ZNF701: variants seen among roughly 807,000 people sequenced by gnomAD.
ZNF701 encodes zinc finger protein 701.
In ZNF701, 6 loss-of-function variants were observed where a neutral mutation model predicts 7.1. That is an observed-to-expected ratio of 0.84 (90% CI 0.46 to 1.66). The LOEUF is 1.66. ZNF701 is among the 40% of genes most tolerant of loss of function. ZNF701 has a pLI of 0.01. For synonymous variants in ZNF701, 166 were observed against 188.2 expected, an observed-to-expected ratio of 0.88 and a Z score of 0.97; for missense variants, 541 against 559.2, an observed-to-expected ratio of 0.97 and a Z score of 0.33.
chr19:52,596,078 A>G, the ZNF701 span: 4 of 1,210,170 alleles, frequency 3.3e-6, no homozygotes, highest in South Asian at 3.9e-5. Flanking sequence ...TTCATTATTC[A>G]CACAAATACA....
chr19:52,589,525 G>C (rs1453187604), downstream of ZNF701, among the ~76,000 whole-genome samples: 1 of 149,354 alleles, frequency 6.7e-6, no homozygotes, highest in Non-Finnish European at 1.5e-5. Context: ...TGTCACCCAG[G>C]CTGGAGTGTA....
chr19:52,599,414 C>A, the ZNF701 span, among the ~76,000 whole-genome samples: 10 of 152,122 alleles, frequency 6.6e-5, no homozygotes, highest in African/African-American at 2.4e-4. Context: ...GTCAGGCAAC[C>A]TGAGTCCAGT....
downstream of ZNF701, chr19:52,588,676 G>A (rs1157423160): frequency 6.6e-6 from 2 of 301,276 alleles, no homozygotes; most frequent in Non-Finnish European, 1.3e-5. Flanking sequence ...CAGGTATTGT[G>A]GTAGCCAGTC....
the ZNF701 span, among the ~76,000 whole-genome samples, chr19:52,599,739 A>G: frequency 2.0e-5 from 3 of 152,164 alleles, no homozygotes; most frequent in Non-Finnish European, 4.4e-5. Context: ...TTGCCTTCAA[A>G]TAAATTCTGT....
At chr19:52,598,435 GGGCAGGGACCTCGGTAAAGGGGTGGAGT>G in the ZNF701 span, among the ~76,000 whole-genome samples, 1 of 152,112 alleles carries the variant, frequency 6.6e-6, no homozygotes, top group Non-Finnish European at 1.5e-5. Context: ...TGGGGGAGAG[GGGCAGGGACCTCGGTAAAGGGGTGGAGT>G]GGCGCGCTGG....
chr19:52,588,755 C>G (rs58246752), downstream of ZNF701: 34,946 of 175,274 alleles, frequency 0.2, 3,874 homozygotes, highest in African/African-American at 0.27. Context: ...CTCAGTCCCT[C>G]TCATCTTAAA....
chr19:52,580,161 T>G (rs1166205747), intron 3 of ZNF701, among the ~76,000 whole-genome samples: 1 of 144,834 alleles, frequency 6.9e-6, no homozygotes, highest in Non-Finnish European at 1.5e-5. Context: ...GCCAGGATGG[T>G]CTCAATCTCC....
rs1358541146 is a variant in ZNF701, at chr19:52,585,826, C to T, written c.*2369C>T. 2 of 152,250 alleles carry T rather than the reference C, an allele frequency of 1.3e-5. No individual in the cohort carries two copies. Among genetic ancestry groups the T allele is most frequent in the Non-Finnish European group, 2.9e-5 (2 of 68,066 alleles). The allele number at this position is 152,250 out of a possible 1,614,324, so 9.4% of individuals were successfully genotyped here. A position where few individuals can be genotyped will look rare whatever the true frequency, so the allele number is the denominator to read the frequency against. On this transcript the variant is annotated 3_prime_UTR_variant, in exon 4 of 4. Transcript: ENST00000391785. The stretch of plus-strand genomic sequence containing the variant: ...TGCCCTATGCAGATGAAGGGGTGGC[C>T]GGTGCTTGGCCTTGGCCACTCCTGG...
intron 3 of ZNF701, among the ~76,000 whole-genome samples, chr19:52,578,811 G>A (rs978348848): frequency 3.3e-5 from 5 of 152,314 alleles, no homozygotes; most frequent in East Asian, 1.9e-4. Context: ...AGGCTGGAGT[G>A]CAGTGGTGCG....
At chr19:52,578,883 G>A (rs375644910) in intron 3 of ZNF701, among the ~76,000 whole-genome samples, 7 of 151,980 alleles carry the variant, frequency 4.6e-5, no homozygotes, top group East Asian at 2.0e-4. Flanking sequence ...TCAGCCTCCC[G>A]AGTACCTGGG....
At chr19:52,595,866 C>A in the ZNF701 span, 1 of 1,612,996 alleles carries the variant, frequency 6.2e-7, no homozygotes, top group Non-Finnish European at 8.5e-7. Flanking sequence ...CAAAGACATG[C>A]TGGAAACAAG....
chr19:52,577,371 C>T (rs2059941666), intron 3 of ZNF701, among the ~76,000 whole-genome samples: 1 of 151,864 alleles, frequency 6.6e-6, no homozygotes, highest in Non-Finnish European at 1.5e-5. Context: ...AAGTGTGGAC[C>T]TAAGATTACC....
At chr19:52,571,199 A>AGG (rs530403665) in intron 1 of ZNF701, among the ~76,000 whole-genome samples, 1,593 of 151,666 alleles carry the variant, frequency 0.011, 23 homozygotes, top group African/African-American at 0.035. Flanking sequence ...ACAGCAAGGT[A>AGG]GAGAGGGGCA....
At chr19:52,591,987 T>G, downstream of ZNF701, 3 of 540,576 alleles carry the variant, frequency 5.5e-6, no homozygotes, top group Admixed American at 6.3e-5. Context: ...TAATGCGGCT[T>G]TGTCAGAACA....
At chr19:52,587,544 AG>A (rs1361281022), downstream of ZNF701, among the ~76,000 whole-genome samples, 2 of 152,164 alleles carry the variant, frequency 1.3e-5, no homozygotes, top group Non-Finnish European at 2.9e-5. Flanking sequence ...GATCTCCCAC[AG>A]CCCCCCACTT....
downstream of ZNF701, among the ~76,000 whole-genome samples, chr19:52,590,234 G>A (rs371180132): frequency 1.4e-4 from 21 of 151,414 alleles, 2 homozygotes; most frequent in East Asian, 3.9e-3. Flanking sequence ...TAGAGTAGCT[G>A]GGACTACAGG....
At chr19:52,578,202 C>T (rs34738605) in intron 3 of ZNF701, among the ~76,000 whole-genome samples, 60,911 of 140,296 alleles carry the variant, frequency 0.43, 13,163 homozygotes, top group Middle Eastern at 0.5. Flanking sequence ...TGCAGTGAGC[C>T]GAGATCGCAC....
intron 1 of ZNF701, among the ~76,000 whole-genome samples, chr19:52,571,242 G>T (rs1163098783): frequency 6.6e-6 from 1 of 151,672 alleles, no homozygotes; most frequent in Non-Finnish European, 1.5e-5. Context: ...GTGAGAGAGA[G>T]AGAGAGAGAG....
intron 3 of ZNF701, among the ~76,000 whole-genome samples, chr19:52,577,830 C>T (rs544451245): frequency 2.0e-5 from 3 of 152,196 alleles, no homozygotes; most frequent in African/African-American, 7.2e-5. Context: ...TAAACCCCTC[C>T]CTGTGGTGCT....
Sources: gnomAD v4.1 joint callset for allele counts (sites outside exome capture counted in the v4.1 genomes callset) on GRCh38, gnomAD v4.1.1 for gene constraint, MANE v1.5 for transcripts, NCBI Gene and HGNC (gene_info 2026-07-23, HGNC 2026-07-21) for gene names.